The following CCL18 variants were observed in gnomAD, a reference collection of about 807,000 sequenced individuals.
CCL18 encodes C-C motif chemokine ligand 18, also known as C-C motif chemokine 18.
CCL18 carries 7 observed loss-of-function variants against 8.0 expected under a neutral mutation model. The observed-to-expected ratio is 0.87, with a 90% CI of 0.50 to 1.64. The LOEUF is 1.64. CCL18 is among the 40% of genes most tolerant of loss of function. CCL18 has a pLI of 0.00. For missense variants in CCL18, 95 were observed against 107.8 expected (o/e 0.88, Z 0.52); for synonymous variants, 35 against 41.3 (o/e 0.85, Z 0.59).
chr17:36,070,515 G>T lies in CCL18; in HGVS notation c.136G>T (p.Asp46Tyr), dbSNP rs2066859715. 11 of 1,613,924 alleles carry T rather than the reference G, an allele frequency of 6.8e-6. No individual in the cohort carries two copies. The highest frequency in any genetic ancestry group is 9.3e-6 in the Non-Finnish European group (11 of 1,179,882). Residue 46 changes from aspartate (D) to tyrosine (Y), a missense_variant, in exon 2 of 3, where the codon GAC (aspartate) becomes TAC (tyrosine). Transcript: ENST00000616054. ...SWQIPQKFIVDYSETSPQCPK... is the reference protein window; with the variant it reads ...SWQIPQKFIVYYSETSPQCPK... ...GCAGATTCCACAAAAGTTCATAGTTGACTATTCTGAAACCAGCCCCCAGTG... is the reference window on the plus strand; with the variant it reads ...GCAGATTCCACAAAAGTTCATAGTTTACTATTCTGAAACCAGCCCCCAGTG...
At chr17:36,065,424 T>C (rs772285809) in intron 1 of CCL18, among the ~76,000 whole-genome samples, 5 of 152,172 alleles carry the variant, frequency 3.3e-5, no homozygotes, top group Non-Finnish European at 7.4e-5. Context: ...TGAAAGTCCA[T>C]AGTAGCTCCC....
chr17:36,070,341 G>A, intron 1 of CCL18, 106 bp from the exon 2 acceptor site: 1 of 660,832 alleles, frequency 1.5e-6, no homozygotes, highest in South Asian at 1.8e-5. Flanking sequence ...CCCACCCCAA[G>A]CGGTGATATC....
rs997360741 is a variant in CCL18 at position 36,070,473 on chromosome 17, C to T, written c.94C>T (p.Leu32Phe). ...QVGTNKELCC[L>F]VYTSWQIPQK... is the part of the protein sequence containing the mutation. ...TGGTACCAACAAAGAGCTCTGCTGC[C>T]TCGTCTATACCTCCTGGCAGATTCC... Residue 32 changes from leucine to phenylalanine, a missense_variant, in exon 2 of 3, where the codon CTC becomes TTC. Transcript: ENST00000616054. The T allele has an allele frequency of 1.2e-6, 2 of 1,613,324 alleles. No individual in the cohort carries two copies. The highest frequency in any genetic ancestry group is 1.7e-6 in the Non-Finnish European group (2 of 1,179,214).
In CCL18 at chr17:36,071,319, T is replaced by C. The variant is rs766556; in HGVS notation, c.*278T>C. Reference sequence around the variant, plus strand: ...TTTCCCCTTTCCCTTCAACTCTTCGTACATTCAATGCATGGATCAATCAGT... The same window carrying C: ...TTTCCCCTTTCCCTTCAACTCTTCGCACATTCAATGCATGGATCAATCAGT... On this transcript the variant is annotated 3_prime_UTR_variant, in exon 3 of 3. Coordinates refer to ENST00000616054, the MANE Select transcript of CCL18 (RefSeq NM_002988.4). 9.4e-3 allele frequency: 4,004 copies of C among 427,692 alleles called. 35 individuals are homozygous for C. The highest frequency in any genetic ancestry group is 1.0e-2 in the Non-Finnish European group (2,389 of 239,442). 26.5% of individuals were successfully genotyped at this position (427,692 alleles called of 1,614,324 possible). A position where few individuals can be genotyped will look rare whatever the true frequency, so the allele number is the denominator to read the frequency against.
intron 1 of CCL18, among the ~76,000 whole-genome samples, chr17:36,065,199 C>T (rs879910145): frequency 6.6e-6 from 1 of 152,174 alleles, no homozygotes; most frequent in Non-Finnish European, 1.5e-5. Flanking sequence ...TTACTTTATA[C>T]AGTCAATATT....
At chr17:36,070,360 C>A (rs2066858793) in intron 1 of CCL18, 87 bp from the exon 2 acceptor site, 1 of 765,170 alleles carries the variant, frequency 1.3e-6, no homozygotes, top group Non-Finnish European at 2.3e-6. Context: ...TCTCCCAGTT[C>A]TTCCTGACTC....
intron 1 of CCL18, among the ~76,000 whole-genome samples, chr17:36,070,081 T>TCCAATTGACAAG (rs1317757287): frequency 1.3e-5 from 2 of 151,900 alleles, no homozygotes; most frequent in African/African-American, 4.8e-5. Context: ...TGACAAGAGG[T>TCCAATTGACAAG]AGGATCTGGG....
rs906968739 is a variant in CCL18 at position 36,069,958 on chromosome 17, G to A, written c.68-489G>A. Among the ~76,000 whole-genome samples, 7 of 152,272 alleles carry A rather than the reference G, an allele frequency of 4.6e-5. No homozygotes were observed. In the South Asian group the frequency reaches 1.0e-3, roughly 23 times the overall value. On this transcript the variant is annotated intron_variant, in intron 1 of 2. Coordinates refer to ENST00000616054, the MANE Select transcript of CCL18 (RefSeq NM_002988.4). ...AGAGGGATTTCAGGGACTATTTCCC[G>A]AGGAGGATTTTTCTTCCTAAGAGGT...
chr17:36,066,187 A>C (rs1379465910), intron 1 of CCL18, among the ~76,000 whole-genome samples: 11 of 152,234 alleles, frequency 7.2e-5, no homozygotes, highest in Non-Finnish European at 1.6e-4. Context: ...TACTTAGAGA[A>C]TCTTAATCCA....
rs2066825268 is a variant in CCL18, at chr17:36,064,276, G to A, written c.-67G>A. Reference sequence around the variant, plus strand: ...AGAGACAACAGCTCATACCCCAGAAGGAGGCCAGGAGTTGTGAGTTTCCAA... The same window carrying A: ...AGAGACAACAGCTCATACCCCAGAAAGAGGCCAGGAGTTGTGAGTTTCCAA... On this transcript the variant is annotated 5_prime_UTR_variant, in exon 1 of 3. Transcript: ENST00000616054. The A allele has an allele frequency of 5.0e-6, 6 of 1,190,672 alleles. No homozygotes were observed. Among genetic ancestry groups the A allele is most frequent in the Non-Finnish European group, 7.6e-6 (6 of 793,504 alleles). 73.8% of individuals were successfully genotyped at this position (1,190,672 alleles called of 1,614,324 possible).
Position 36,070,956 on chromosome 17 carries a change from T to G in CCL18, c.185T>G (p.Leu62Arg), listed in dbSNP as rs1443244168. Residue 62 changes from leucine to arginine, a missense_variant, in exon 3 of 3, where the codon CTA (leucine) becomes CGA (arginine). Coordinates refer to ENST00000616054, the MANE Select transcript of CCL18 (RefSeq NM_002988.4). ...PQCPKPGVIL[L>R]TKRGRQICAD... is the part of the protein sequence containing the mutation. ...TCTTCCTCCCTTCTCCACAGCCTCC[T>G]AACCAAGAGAGGCCGGCAGATCTGT... The G allele has an allele frequency of 1.2e-6, 2 of 1,612,330 alleles. No homozygotes were observed. The highest frequency in any genetic ancestry group is 1.7e-6 in the Non-Finnish European group (2 of 1,178,302).
At position 36,070,992 on chromosome 17, in the gene CCL18, A is replaced by G. The variant is rs150076657; in HGVS notation, c.221A>G (p.Asn74Ser). 2.5e-4 allele frequency: 410 copies of G among 1,614,034 alleles called. 1 individual carries two copies. The highest frequency in any genetic ancestry group is 2.4e-3 in the African/African-American group (182 of 75,040). The change falls in exon 3 of 3, where the codon AAT becomes AGT. Residue 74 changes from asparagine to serine, a missense_variant. Asn to Ser is a conservative substitution (Grantham distance 46). Transcript: ENST00000616054. ...KRGRQICADP[N>S]KKWVQKYISD... Reference sequence around the variant, plus strand: ...GGCCGGCAGATCTGTGCTGACCCCAATAAGAAGTGGGTCCAGAAATACATC... The same window carrying G: ...GGCCGGCAGATCTGTGCTGACCCCAGTAAGAAGTGGGTCCAGAAATACATC...
chr17:36,066,231 C>T (rs1009052101), intron 1 of CCL18, among the ~76,000 whole-genome samples: 12 of 152,130 alleles, frequency 7.9e-5, no homozygotes, highest in African/African-American at 2.9e-4. Context: ...AATGTCTGTC[C>T]AGAGCATAGG....
chr17:36,066,960 G>T (rs953445908), intron 1 of CCL18, among the ~76,000 whole-genome samples: 2 of 152,220 alleles, frequency 1.3e-5, no homozygotes, highest in African/African-American at 4.8e-5. Context: ...AGATCTATTT[G>T]TGAATGGCAC....
chr17:36,067,701 A>G (rs9944513), intron 1 of CCL18, among the ~76,000 whole-genome samples: 13,234 of 152,156 alleles, frequency 0.087, 1,746 homozygotes, highest in African/African-American at 0.29. Flanking sequence ...AAAAGGAAAA[A>G]TTGAAACCAA....
Position 36,071,317 on chromosome 17 carries a change from C to T in CCL18, c.*276C>T, listed in dbSNP as rs912659832. On this transcript the variant is annotated 3_prime_UTR_variant, in exon 3 of 3. Transcript: ENST00000616054. ...CCTTTCCCCTTTCCCTTCAACTCTTCGTACATTCAATGCATGGATCAATCA... is the reference window on the plus strand; with the variant it reads ...CCTTTCCCCTTTCCCTTCAACTCTTTGTACATTCAATGCATGGATCAATCA... The T allele has an allele frequency of 2.3e-6, 1 of 428,768 alleles. No homozygotes were observed. The highest frequency in any genetic ancestry group is 2.0e-5 in the African/African-American group (1 of 49,720). 26.6% of individuals were successfully genotyped at this position (428,768 alleles called of 1,614,324 possible).
chr17:36,070,239 A>T, intron 1 of CCL18: 1 of 540,630 alleles, frequency 1.8e-6, no homozygotes, highest in Non-Finnish European at 3.3e-6. Flanking sequence ...ACAGCCAGAG[A>T]ATGAGAAACA....
In CCL18 at chr17:36,071,134, C is replaced by T; in HGVS notation, c.*93C>T. 1.3e-6 allele frequency: 1 copy of T among 782,872 alleles called. No homozygotes were observed. Among genetic ancestry groups the T allele is most frequent in the Non-Finnish European group, 2.2e-6 (1 of 462,958 alleles). The allele number at this position is 782,872 out of a possible 1,614,324, so 48.5% of individuals were successfully genotyped here. A position where few individuals can be genotyped will look rare whatever the true frequency, so the allele number is the denominator to read the frequency against. ...GGCAATGGCCCTGCCACCCTGGAGG[C>T]TACCTCTTCTAAGAGTCCCATCTGC... On this transcript the variant is annotated 3_prime_UTR_variant, in exon 3 of 3. Coordinates refer to ENST00000616054, the MANE Select transcript of CCL18 (RefSeq NM_002988.4).
chr17:36,070,975 G>A lies in CCL18; in HGVS notation c.204G>A (p.Gln68=). ...GCCTCCTAACCAAGAGAGGCCGGCAGATCTGTGCTGACCCCAATAAGAAGT... is the reference window on the plus strand; with the variant it reads ...GCCTCCTAACCAAGAGAGGCCGGCAAATCTGTGCTGACCCCAATAAGAAGT... The part of the protein sequence containing the change: ...GVILLTKRGR[Q]ICADPNKKWV... Residue 68 remains glutamine (Q), a synonymous_variant, in exon 3 of 3, where the codon CAG becomes CAA. Transcript: ENST00000616054. The A allele has an allele frequency of 6.2e-7, 1 of 1,614,004 alleles. No individual in the cohort carries two copies. Among genetic ancestry groups the A allele is most frequent in the Non-Finnish European group, 8.5e-7 (1 of 1,179,842 alleles).
Sources: allele counts gnomAD v4.1 joint callset (sites outside exome capture counted in the v4.1 genomes callset), GRCh38; gene constraint gnomAD v4.1.1; transcripts MANE v1.5; gene names NCBI Gene and HGNC (gene_info 2026-07-23, HGNC 2026-07-21).